The following GALNTL6 variants were observed in gnomAD, a reference collection of about 807,000 sequenced individuals.
GALNTL6 encodes the protein polypeptide N-acetylgalactosaminyltransferase-like 6.
In GALNTL6, 46 loss-of-function variants were observed where a neutral mutation model predicts 73.7. The observed-to-expected ratio is 0.62, with a 90% confidence interval of 0.49 to 0.80. The LOEUF (loss-of-function observed/expected upper bound fraction) is 0.80. Among genes scored for constraint, GALNTL6 ranks in the 30% least tolerant of loss-of-function variants. The pLI is 0.00. For missense variants in GALNTL6, 604 were observed against 755.0 expected, an observed-to-expected ratio of 0.80 and a Z score of 2.34; for synonymous variants, 259 against 263.7, an observed-to-expected ratio of 0.98 and a Z score of 0.17.
At chr4:172,022,185 A>G (rs1447655083) in intron 2 of GALNTL6, among the ~76,000 whole-genome samples, 1 of 152,044 alleles carries the variant, frequency 6.6e-6, no homozygotes, top group Non-Finnish European at 1.5e-5. Flanking sequence ...CAAGGTACCT[A>G]TCTGACAAGA....
At chr4:172,913,982 C>G (rs1262519238) in intron 8 of GALNTL6, among the ~76,000 whole-genome samples, 13 of 152,240 alleles carry the variant, frequency 8.5e-5, no homozygotes, top group Non-Finnish European at 1.8e-4. Context: ...ATGTTAAAGG[C>G]AGCCAGAGAG....
chr4:172,308,542 G>T (rs150093191), intron 3 of GALNTL6, among the ~76,000 whole-genome samples: 10 of 152,148 alleles, frequency 6.6e-5, no homozygotes, highest in African/African-American at 2.4e-4. Flanking sequence ...CATCATAAAG[G>T]GATGCTGGAT....
chr4:172,658,466 CAAAAAAA>C (rs1207091609), intron 5 of GALNTL6, among the ~76,000 whole-genome samples: 1 of 53,622 alleles, frequency 1.9e-5, no homozygotes, highest in South Asian at 6.0e-4. Context: ...GACTCCGTCT[CAAAAAAA>C]AAAAAAAAGA....
chr4:171,903,550 G>A (rs140529651), intron 2 of GALNTL6, among the ~76,000 whole-genome samples: 2,023 of 149,074 alleles, frequency 0.014, 17 homozygotes, highest in Non-Finnish European at 0.022. Context: ...ACTGCAAGGC[G>A]GCAGCGAGGC....
chr4:172,294,110 T>C (rs1447229765), intron 3 of GALNTL6, among the ~76,000 whole-genome samples: 1 of 151,914 alleles, frequency 6.6e-6, no homozygotes, highest in Non-Finnish European at 1.5e-5. Flanking sequence ...TTATTTATTT[T>C]ATTAGTCTTT....
intron 5 of GALNTL6, among the ~76,000 whole-genome samples, chr4:172,428,430 G>A (rs1485120976): frequency 1.3e-5 from 2 of 152,118 alleles, no homozygotes; most frequent in Admixed American, 1.3e-4. Context: ...AGATTAAAAT[G>A]TAAAATAAAG....
intron 2 of GALNTL6, among the ~76,000 whole-genome samples, chr4:172,190,569 A>G (rs1735546611): frequency 6.6e-6 from 1 of 152,214 alleles, no homozygotes; most frequent in East Asian, 1.9e-4. Flanking sequence ...GACCAATGGC[A>G]GAAGTAAACC....
chr4:172,761,905 C>T (rs143571140), intron 5 of GALNTL6, among the ~76,000 whole-genome samples: 58 of 152,328 alleles, frequency 3.8e-4, no homozygotes, highest in Middle Eastern at 3.4e-3. Context: ...TGTTCTTCCA[C>T]TGTTCCCATT....
At chr4:172,550,986 G>A (rs1735935986) in intron 5 of GALNTL6, among the ~76,000 whole-genome samples, 1 of 152,166 alleles carries the variant, frequency 6.6e-6, no homozygotes, top group South Asian at 2.1e-4. Flanking sequence ...ACTAAACTGT[G>A]GACAGGGTTG....
chr4:172,753,061 C>T (rs1189753058), intron 5 of GALNTL6, among the ~76,000 whole-genome samples: 1 of 152,166 alleles, frequency 6.6e-6, no homozygotes, highest in South Asian at 2.1e-4. Flanking sequence ...CCACCCAAAT[C>T]TCACCTTGAA....
intron 5 of GALNTL6, among the ~76,000 whole-genome samples, chr4:172,746,532 ATT>A (rs1164176570): frequency 6.6e-6 from 1 of 151,966 alleles, no homozygotes; most frequent in East Asian, 1.9e-4. Flanking sequence ...ATTTGTAAAA[ATT>A]TCTCTATATT....
intron 2 of GALNTL6, among the ~76,000 whole-genome samples, chr4:171,981,855 C>G (rs1299583012): frequency 6.6e-6 from 1 of 151,286 alleles, no homozygotes; most frequent in Non-Finnish European, 1.5e-5. Flanking sequence ...ATTTCTCTTC[C>G]TTAATTCTAT....
intron 2 of GALNTL6, among the ~76,000 whole-genome samples, chr4:172,153,356 C>T (rs1734156343): frequency 6.6e-6 from 1 of 152,072 alleles, no homozygotes; most frequent in Non-Finnish European, 1.5e-5. Context: ...AGTCACAAAC[C>T]AAAAATTGGA....
rs377406660 is a variant in GALNTL6 at position 172,222,536 on chromosome 4, GT to G, written c.139-7112del. Among the ~76,000 whole-genome samples the G allele has an allele frequency of 4.3e-3, 643 of 150,038 alleles. 6 individuals are homozygous for G. Among genetic ancestry groups the G allele is most frequent in the African/African-American group, 0.015 (615 of 40,744 alleles). On this transcript the variant is annotated intron_variant, in intron 2 of 12. Coordinates refer to ENST00000506823, the MANE Select transcript of GALNTL6 (RefSeq NM_001034845.3). Reference sequence around the variant, plus strand: ...GGGATGCTGAGGATTAAGGCATTCAGTTTTTTTTATCCTCAAAATAAAATCG... The same window carrying G: ...GGGATGCTGAGGATTAAGGCATTCAGTTTTTTTATCCTCAAAATAAAATCG...
intron 5 of GALNTL6, among the ~76,000 whole-genome samples, chr4:172,371,399 T>C (rs1561050888): frequency 6.6e-6 from 1 of 152,240 alleles, no homozygotes; most frequent in Non-Finnish European, 1.5e-5. Flanking sequence ...TTGTTTACAC[T>C]GACAACAAGG....
chr4:171,984,129 G>T (rs1347273764), intron 2 of GALNTL6, among the ~76,000 whole-genome samples: 3 of 152,122 alleles, frequency 2.0e-5, no homozygotes, highest in African/African-American at 7.2e-5. Flanking sequence ...GTTTTCAGGT[G>T]GTTGGATGGC....
intron 5 of GALNTL6, among the ~76,000 whole-genome samples, chr4:172,404,755 C>T (rs2111330702): frequency 6.6e-6 from 1 of 152,196 alleles, no homozygotes; most frequent in South Asian, 2.1e-4. Flanking sequence ...TTGCAAACAG[C>T]AGTCTAATTT....
intron 2 of GALNTL6, among the ~76,000 whole-genome samples, chr4:172,162,947 G>T (rs1293491697): frequency 3.9e-5 from 6 of 151,994 alleles, no homozygotes; most frequent in African/African-American, 1.4e-4. Flanking sequence ...CCTATTTTGT[G>T]CAATACTGCA....
intron 3 of GALNTL6, among the ~76,000 whole-genome samples, chr4:172,301,669 G>C (rs1328991396): frequency 6.6e-6 from 1 of 152,182 alleles, no homozygotes; most frequent in Admixed American, 6.5e-5. Flanking sequence ...AGCTGCGGAG[G>C]CTGCAGAACA....
Sources: gnomAD v4.1 joint callset for allele counts (sites outside exome capture counted in the v4.1 genomes callset) on GRCh38, gnomAD v4.1.1 for gene constraint, MANE v1.5 for transcripts, NCBI Gene and HGNC (gene_info 2026-07-23, HGNC 2026-07-21) for gene names.